PHACTR1: variants seen among roughly 807,000 people sequenced by gnomAD.
PHACTR1 encodes the protein phosphatase and actin regulator 1, also known as RPEL repeat containing 1.
A neutral mutation model predicts 69.2 loss-of-function variants in PHACTR1; 16 were observed. The ratio of observed to expected loss-of-function variants is 0.23; its 90% confidence interval spans 0.16 to 0.35. The LOEUF (loss-of-function observed/expected upper bound fraction) is 0.35, where lower values mean the gene tolerates loss of function less well. Ranked by LOEUF, PHACTR1 falls within the 10% of genes least tolerant of loss-of-function variation. The pLI, the probability that PHACTR1 is intolerant of heterozygous loss-of-function variation, is 1.00. For synonymous variants in PHACTR1, 312 were observed against 284.5 expected, an observed-to-expected ratio of 1.10 and a Z score of -0.97; for missense variants, 510 against 734.7, an observed-to-expected ratio of 0.69 and a Z score of 3.54.
chr6:12,747,561 G>A (rs1341117927), intron 3 of PHACTR1, among the ~76,000 whole-genome samples: 1 of 152,030 alleles, frequency 6.6e-6, no homozygotes, highest in African/African-American at 2.4e-5. Context: ...AGCTACTCAG[G>A]AGGCTTGGGT....
intron 4 of PHACTR1, among the ~76,000 whole-genome samples, chr6:13,023,132 A>G (rs977669131): frequency 2.6e-5 from 4 of 152,218 alleles, no homozygotes; most frequent in African/African-American, 9.6e-5. Context: ...CCAATTACAT[A>G]TCTGTGTCGT....
At chr6:13,260,171 T>TTGGAGCATTCA (rs529249218) in intron 10 of PHACTR1, among the ~76,000 whole-genome samples, 8 of 152,186 alleles carry the variant, frequency 5.3e-5, no homozygotes, top group Non-Finnish European at 1.2e-4. Flanking sequence ...ATTGGTGGTT[T>TTGGAGCATTCA]TGGAGCATTC....
intron 4 of PHACTR1, among the ~76,000 whole-genome samples, chr6:12,897,732 T>G (rs1294147537): frequency 2.0e-5 from 3 of 148,756 alleles, no homozygotes; most frequent in Non-Finnish European, 4.4e-5. Flanking sequence ...ATTATTATTA[T>G]ACTTTAAGTT....
intron 4 of PHACTR1, among the ~76,000 whole-genome samples, chr6:12,986,066 T>G (rs942645455): frequency 1.3e-5 from 2 of 152,118 alleles, no homozygotes; most frequent in African/African-American, 4.8e-5. Context: ...AAACTCCTGA[T>G]CTCAGGTGAT....
intron 4 of PHACTR1, among the ~76,000 whole-genome samples, chr6:12,832,229 G>A (rs1408896506): frequency 6.6e-6 from 1 of 152,108 alleles, no homozygotes; most frequent in African/African-American, 2.4e-5. Flanking sequence ...CAAGATAGCA[G>A]TCTGAAATTC....
intron 4 of PHACTR1, among the ~76,000 whole-genome samples, chr6:12,783,328 G>A (rs1771068748): frequency 6.6e-6 from 1 of 152,170 alleles, no homozygotes; most frequent in Admixed American, 6.5e-5. Flanking sequence ...GAATCTATAT[G>A]ACGGTCAAAT....
rs191621744 is a variant in PHACTR1 at position 13,009,077 on chromosome 6, T to A, written c.251-44288T>A. Among the ~76,000 whole-genome samples the A allele has an allele frequency of 3.5e-3, 528 of 152,272 alleles. 2 individuals are homozygous for A. The highest frequency in any genetic ancestry group is 0.012 in the African/African-American group (507 of 41,554). ...CAGCAGTGTCACTCCCATCTCCGAG[T>A]CCATCTTCACATTGTCTTCTCCTCC... On this transcript the variant is annotated intron_variant, in intron 4 of 14. Coordinates refer to ENST00000332995, the MANE Select transcript of PHACTR1 (RefSeq NM_030948.6).
chr6:13,131,155 A>G (rs1432263684), intron 5 of PHACTR1, among the ~76,000 whole-genome samples: 1 of 150,810 alleles, frequency 6.6e-6, no homozygotes, highest in Non-Finnish European at 1.5e-5. Context: ...ATACACATAT[A>G]TATGTATATA....
At chr6:13,019,051 GAA>G (rs1263145068) in intron 4 of PHACTR1, among the ~76,000 whole-genome samples, 12 of 124,348 alleles carry the variant, frequency 9.7e-5, no homozygotes, top group African/African-American at 2.4e-4. Flanking sequence ...TTTTACAGTT[GAA>G]ATATATATAT....
At chr6:13,207,592 G>A (rs983209733) in intron 8 of PHACTR1, among the ~76,000 whole-genome samples, 8 of 142,574 alleles carry the variant, frequency 5.6e-5, no homozygotes, top group African/African-American at 1.5e-4. Context: ...ATGAGTGTAT[G>A]TGTGTGTGTG....
chr6:13,112,020 C>T lies in PHACTR1; in HGVS notation c.416-48184C>T, dbSNP rs575026042. On this transcript the variant is annotated intron_variant, in intron 5 of 14. Transcript: ENST00000332995. Reference sequence around the variant, plus strand: ...GTTAGTTACTTTTCCTGATCCTCTCCGCCTTCCCATCCTTCACCCTCCATT... The same window carrying T: ...GTTAGTTACTTTTCCTGATCCTCTCTGCCTTCCCATCCTTCACCCTCCATT... 5.9e-5 allele frequency among the ~76,000 whole-genome samples: 9 copies of T among 152,214 alleles called. 1 individual carries two copies. The highest frequency in any genetic ancestry group is 2.1e-4 in the South Asian group (1 of 4,812).
At chr6:12,740,295 G>A (rs546217744) in intron 3 of PHACTR1, among the ~76,000 whole-genome samples, 2 of 152,108 alleles carry the variant, frequency 1.3e-5, no homozygotes, top group Non-Finnish European at 2.9e-5. Flanking sequence ...CATGTCATGG[G>A]TCTAGTATGT....
intron 4 of PHACTR1, among the ~76,000 whole-genome samples, chr6:12,849,225 A>G (rs1219815415): frequency 6.6e-6 from 1 of 152,216 alleles, no homozygotes; most frequent in Non-Finnish European, 1.5e-5. Flanking sequence ...GCCTTGCCGC[A>G]ATGCCAGTAG....
chr6:13,047,971 A>G (rs1805348872), intron 4 of PHACTR1, among the ~76,000 whole-genome samples: 1 of 152,094 alleles, frequency 6.6e-6, no homozygotes, highest in Non-Finnish European at 1.5e-5. Flanking sequence ...TCAGAACACC[A>G]TCTGGCCTAG....
rs532329528 is a variant in PHACTR1 at position 13,027,208 on chromosome 6, CT to C, written c.251-26155del. Among the ~76,000 whole-genome samples, 158 of 152,250 alleles carry C rather than the reference CT, an allele frequency of 1.0e-3. 1 individual carries two copies. Among genetic ancestry groups the C allele is most frequent in the Non-Finnish European group, 2.8e-4 (19 of 68,018 alleles). On this transcript the variant is annotated intron_variant, in intron 4 of 14. Coordinates refer to ENST00000332995, the MANE Select transcript of PHACTR1 (RefSeq NM_030948.6). ...CTCTTGCAAATGCTCTCTTACTTTG[CT>C]TGCTTAAGGATATTCAGAGTCACTA...
chr6:12,856,891 A>G (rs1402609844), intron 4 of PHACTR1, among the ~76,000 whole-genome samples: 2 of 152,204 alleles, frequency 1.3e-5, no homozygotes, highest in African/African-American at 4.8e-5. Flanking sequence ...GTTTTCTTGA[A>G]CAATTTGCCT....
chr6:13,067,500 C>T (rs1221257136), intron 5 of PHACTR1, among the ~76,000 whole-genome samples: 1 of 152,160 alleles, frequency 6.6e-6, no homozygotes, highest in African/African-American at 2.4e-5. Flanking sequence ...AAAACTGACA[C>T]TGGAAGCCAT....
chr6:12,902,511 C>T (rs1785312777), intron 4 of PHACTR1, among the ~76,000 whole-genome samples: 2 of 152,088 alleles, frequency 1.3e-5, no homozygotes, highest in South Asian at 2.1e-4. Context: ...GGATGAACTT[C>T]TAGGTTCTTC....
intron 3 of PHACTR1, among the ~76,000 whole-genome samples, chr6:12,724,589 G>A (rs80303235): frequency 0.022 from 3,392 of 152,214 alleles, 133 homozygotes; most frequent in African/African-American, 0.078. Context: ...GCTGTCTCAT[G>A]CTGCTTGCCA....
Sources: allele counts gnomAD v4.1 joint callset (sites outside exome capture counted in the v4.1 genomes callset), GRCh38; gene constraint gnomAD v4.1.1; transcripts MANE v1.5; gene names NCBI Gene and HGNC (gene_info 2026-07-23, HGNC 2026-07-21).